The following PHACTR2 variants were observed in gnomAD, a reference collection of about 807,000 sequenced individuals.
PHACTR2 encodes phosphatase and actin regulator 2, also known as chromosome 6 open reading frame 56.
PHACTR2 carries 30 observed loss-of-function variants against 76.0 expected under a neutral mutation model. The observed-to-expected ratio is 0.39, with a 90% confidence interval of 0.30 to 0.54. The LOEUF is 0.54. PHACTR2 is among the 20% of genes least tolerant of loss of function. PHACTR2 has a pLI of 0.61. For synonymous variants in PHACTR2, 292 were observed against 292.5 expected (o/e 1.00, Z 0.02); for missense variants, 696 against 781.1 (o/e 0.89, Z 1.30).
Position 143,829,500 on chromosome 6 carries a change from AATGCTGCATCATGAT to A in PHACTR2, c.*5812_*5826del, listed in dbSNP as rs543683838. On this transcript the variant is annotated 3_prime_UTR_variant, in exon 13 of 13. Transcript: ENST00000440869. The stretch of plus-strand genomic sequence containing the variant: ...TTCAACTTTTCTAATAAGATTTGTG[AATGCTGCATCATGAT>A]GAAAATGTGGATTAACTGTGGGTTG... 12 of 152,324 alleles carry A rather than the reference AATGCTGCATCATGAT, an allele frequency of 7.9e-5. No individual in the cohort carries two copies. In the East Asian group the frequency reaches 2.3e-3, roughly 29 times the overall value. 9.4% of individuals were successfully genotyped at this position (152,324 alleles called of 1,614,324 possible). A position where few individuals can be genotyped will look rare whatever the true frequency, so the allele number is the denominator to read the frequency against.
intron 1 of PHACTR2, among the ~76,000 whole-genome samples, chr6:143,626,379 TAAAA>T (rs959261169): frequency 6.6e-6 from 1 of 151,244 alleles, no homozygotes; most frequent in African/African-American, 2.4e-5. Flanking sequence ...CTACTGAAAA[TAAAA>T]AAAATTAGCC....
rs1775775800 is a variant in PHACTR2 at position 143,598,347 on chromosome 6, C to T, written c.217+61140C>T. On this transcript the variant is annotated intron_variant, in intron 1 of 11. Coordinates refer to the PHACTR2 transcript ENST00000367584. This position sits in a 1 kb window ranked among gnomAD's most constrained non-coding sequence, Gnocchi z 4.1. ...GCAATGAGGCTGTAACCAAAGAATG[C>T]AACTGAGCCTAGGAGGTGGAAGAGA... 6.6e-6 allele frequency among the ~76,000 whole-genome samples: 1 copy of T among 152,092 alleles called. No homozygotes were observed. The highest frequency in any genetic ancestry group is 1.9e-4 in the East Asian group (1 of 5,184).
In PHACTR2 at chr6:143,802,046, C is replaced by T. The variant is rs984820344; in HGVS notation, c.1846-5011C>T. ...CACCTGTTGCTTCTTCCCGGCATAA[C>T]GCCTGAGCTGACTGGGACTGATGAA... On this transcript the variant is annotated intron_variant, in intron 11 of 12. Transcript: ENST00000440869. Among the ~76,000 whole-genome samples the T allele has an allele frequency of 1.9e-4, 29 of 152,166 alleles. 1 individual carries two copies. The highest frequency in any genetic ancestry group is 5.3e-4 in the African/African-American group (22 of 41,440).
intron 1 of PHACTR2, among the ~76,000 whole-genome samples, chr6:143,703,961 A>G (rs1382750099): frequency 6.6e-6 from 1 of 152,158 alleles, no homozygotes; most frequent in Non-Finnish European, 1.5e-5. Context: ...TTTCCCATAA[A>G]TATGTATCAT....
intron 1 of PHACTR2, among the ~76,000 whole-genome samples, chr6:143,635,545 T>G (rs1776437371): frequency 6.6e-6 from 1 of 152,186 alleles, no homozygotes; most frequent in Admixed American, 6.5e-5. Context: ...TGTATGAGAG[T>G]GCCTCTGTTT....
At position 143,755,116 on chromosome 6, in the gene PHACTR2, C is replaced by T. The variant is rs1407962257; in HGVS notation, c.454+1204C>T. ...CTTTATTTCAAGGGCTTTATCTAGC[C>T]TTGTTCCATTGAAGGACTCTGGTTA... On this transcript the variant is annotated intron_variant, in intron 4 of 12. Transcript: ENST00000440869. This position sits in a 1 kb window ranked among gnomAD's most constrained non-coding sequence, Gnocchi z 5.2. 6.6e-6 allele frequency among the ~76,000 whole-genome samples: 1 copy of T among 152,152 alleles called. No individual in the cohort carries two copies. Among genetic ancestry groups the T allele is most frequent in the East Asian group, 1.9e-4 (1 of 5,202 alleles).
intron 12 of PHACTR2, among the ~76,000 whole-genome samples, chr6:143,813,604 C>A (rs1448613067): frequency 8.5e-6 from 1 of 117,730 alleles, no homozygotes. Context: ...GGCAACAGAG[C>A]GAGACTCCGC....
In PHACTR2 at chr6:143,818,940, A is replaced by G. The variant is rs771423254; in HGVS notation, c.1923-4734A>G. Among the ~76,000 whole-genome samples the G allele has an allele frequency of 3.5e-4, 54 of 152,224 alleles. No individual in the cohort carries two copies. Among genetic ancestry groups the G allele is most frequent in the Non-Finnish European group, 1.2e-4 (8 of 68,034 alleles). On this transcript the variant is annotated intron_variant, in intron 12 of 12. Transcript: ENST00000440869. This position sits in a 1 kb window ranked among gnomAD's most constrained non-coding sequence, Gnocchi z 4.9. Reference sequence around the variant, plus strand: ...TTCAGTTACTCTTTGAAATATTTTTATAGAACTTCCATATTTTGCTTCAGG... The same window carrying G: ...TTCAGTTACTCTTTGAAATATTTTTGTAGAACTTCCATATTTTGCTTCAGG...
intron 1 of PHACTR2, among the ~76,000 whole-genome samples, chr6:143,560,911 GTGT>G (rs1312131869): frequency 2.0e-5 from 3 of 151,614 alleles, no homozygotes; most frequent in African/African-American, 7.3e-5. Flanking sequence ...GTGTGTGTGT[GTGT>G]GTGTGTGTGT....
At chr6:143,724,424 G>A (rs527724850) in intron 2 of PHACTR2, among the ~76,000 whole-genome samples, 148 of 152,264 alleles carry the variant, frequency 9.7e-4, no homozygotes, top group Middle Eastern at 3.4e-3. Context: ...GAGCCACCGC[G>A]CCCAGCCTAA....
intron 1 of PHACTR2, among the ~76,000 whole-genome samples, chr6:143,579,116 A>G (rs1317392876): frequency 6.6e-6 from 1 of 152,082 alleles, no homozygotes; most frequent in African/African-American, 2.4e-5. Context: ...GTTGCCCAGG[A>G]CGGTCTTGAA....
rs2128467242 is a variant in PHACTR2 at position 143,738,384 on chromosome 6, T to G, written c.215-10601T>G. ...CAAAACAAAAGATTATACATTTTTTTTCATGACCCCCCTGAAAAGATCAAC... is the reference window on the plus strand; with the variant it reads ...CAAAACAAAAGATTATACATTTTTTGTCATGACCCCCCTGAAAAGATCAAC... On this transcript the variant is annotated intron_variant, in intron 2 of 12. Transcript: ENST00000440869. This position sits in a 1 kb window ranked among gnomAD's most constrained non-coding sequence, Gnocchi z 4.0. Among the ~76,000 whole-genome samples the G allele has an allele frequency of 6.6e-6, 1 of 151,892 alleles. No homozygotes were observed. Among genetic ancestry groups the G allele is most frequent in the South Asian group, 2.1e-4 (1 of 4,802 alleles).
At chr6:143,744,239 C>T (rs1465730128) in intron 2 of PHACTR2, among the ~76,000 whole-genome samples, 5 of 152,292 alleles carry the variant, frequency 3.3e-5, no homozygotes, top group South Asian at 4.1e-4. Flanking sequence ...AGATTCTTGT[C>T]GCTCAGGGTT....
At position 143,636,998 on chromosome 6, in the gene PHACTR2, C is replaced by T. The variant is rs62427373; in HGVS notation, c.13+28676C>T. Among the ~76,000 whole-genome samples the T allele has an allele frequency of 4.5e-3, 686 of 152,326 alleles. 4 individuals carry two copies. The highest frequency in any genetic ancestry group is 7.2e-3 in the Non-Finnish European group (487 of 68,034). On this transcript the variant is annotated intron_variant, in intron 1 of 11. Transcript: ENST00000305766. ...CATGGCCACATGGCCCTAGGTGTCA[C>T]CATTAGATGCTCTCAATCCAGATTC... is the stretch of plus-strand genomic sequence containing the variant.
rs1220676274 is a variant in PHACTR2, at chr6:143,818,419, C to T, written c.1923-5255C>T. 2.6e-5 allele frequency among the ~76,000 whole-genome samples: 4 copies of T among 152,148 alleles called. No individual in the cohort carries two copies. The highest frequency in any genetic ancestry group is 9.7e-5 in the African/African-American group (4 of 41,414). On this transcript the variant is annotated intron_variant, in intron 12 of 12. Coordinates refer to ENST00000440869, the MANE Select transcript of PHACTR2 (RefSeq NM_001100164.2). The surrounding 1 kb of genome is among the most constrained non-coding windows in gnomAD (Gnocchi z 4.9). The stretch of plus-strand genomic sequence containing the variant: ...TCTGTACAAAGATGATATAGGAGTA[C>T]TTTCATCGTAAGATTGTTTTGGGGA...
chr6:143,814,050 A>G (rs1419873610), intron 12 of PHACTR2, among the ~76,000 whole-genome samples: 1 of 152,210 alleles, frequency 6.6e-6, no homozygotes, highest in Non-Finnish European at 1.5e-5. Context: ...AGGAAAGAAA[A>G]TGTTACTTTA....
rs975705741 is a variant in PHACTR2, at chr6:143,794,082, A to C, written c.1845+5172A>C. ...CAAAAATAAAAAAAGAACCACTTTA[A>C]TGCACGGTACTTTTAATAATTTCTA... On this transcript the variant is annotated intron_variant, in intron 11 of 12. Transcript: ENST00000440869. This position sits in a 1 kb window ranked among gnomAD's most constrained non-coding sequence, Gnocchi z 4.1. 6.6e-6 allele frequency among the ~76,000 whole-genome samples: 1 copy of C among 151,974 alleles called. No individual in the cohort carries two copies. Among genetic ancestry groups the C allele is most frequent in the Admixed American group, 6.6e-5 (1 of 15,260 alleles).
intron 1 of PHACTR2, among the ~76,000 whole-genome samples, chr6:143,706,706 A>G (rs1156312596): frequency 6.6e-6 from 1 of 152,234 alleles, no homozygotes; most frequent in Non-Finnish European, 1.5e-5. Flanking sequence ...TACCCTTAAA[A>G]GGAAGATATT....
In PHACTR2 at chr6:143,698,713, T is replaced by C. The variant is rs1777829809; in HGVS notation, c.47-13303T>C. Among the ~76,000 whole-genome samples, 1 of 152,250 alleles carries C rather than the reference T, an allele frequency of 6.6e-6. No individual in the cohort carries two copies. The highest frequency in any genetic ancestry group is 1.5e-5 in the Non-Finnish European group (1 of 68,038). ...TGGGTGGATGGTTGTTTGACTAATGTCAGCCTCTCTCATGGCCTGCAAGCC... is the reference window on the plus strand; with the variant it reads ...TGGGTGGATGGTTGTTTGACTAATGCCAGCCTCTCTCATGGCCTGCAAGCC... On this transcript the variant is annotated intron_variant, in intron 1 of 12. Coordinates refer to ENST00000440869, the MANE Select transcript of PHACTR2 (RefSeq NM_001100164.2). The surrounding 1 kb of genome is among the most constrained non-coding windows in gnomAD (Gnocchi z 4.3).
Sources: gnomAD v4.1 joint callset for allele counts (sites outside exome capture counted in the v4.1 genomes callset) on GRCh38, gnomAD v4.1.1 for gene constraint, Gnocchi (gnomAD v3.1) non-coding constraint, MANE v1.5 for transcripts, NCBI Gene and HGNC (gene_info 2026-07-23, HGNC 2026-07-21) for gene names.